CYRIB: variants seen among roughly 807,000 people sequenced by gnomAD.
CYRIB encodes the protein CYFIP-related Rac1 interactor B.
Under a neutral mutation model 44.2 loss-of-function variants are expected in CYRIB, and 8 were observed. The ratio of observed to expected loss-of-function variants is 0.18; its 90% CI spans 0.11 to 0.33. The LOEUF (loss-of-function observed/expected upper bound fraction) is 0.33. CYRIB is among the 10% of genes least tolerant of loss of function. The pLI, the probability that CYRIB is intolerant of heterozygous loss-of-function variation, is 1.00. For synonymous variants in CYRIB, 131 were observed against 127.2 expected, an observed-to-expected ratio of 1.03 and a Z score of -0.20; for missense variants, 185 against 382.8, an observed-to-expected ratio of 0.48 and a Z score of 4.31.
chr8:129,930,344 C>A (rs1219041204), intron 1 of CYRIB, among the ~76,000 whole-genome samples: 1 of 14,832 alleles, frequency 6.7e-5, no homozygotes, highest in Non-Finnish European at 1.9e-4. Context: ...CAGACCTCAA[C>A]TAGGAAGAAT....
chr8:129,848,192 C>T (rs966367398), intron 10 of CYRIB, among the ~76,000 whole-genome samples: 2 of 152,192 alleles, frequency 1.3e-5, no homozygotes, highest in Non-Finnish European at 2.9e-5. Context: ...TTTTCAGAGT[C>T]ACAAGGGAGA....
At chr8:129,971,147 T>C (rs1323321662) in intron 1 of CYRIB, among the ~76,000 whole-genome samples, 152 bp from the exon 2 acceptor site, 2 of 152,252 alleles carry the variant, frequency 1.3e-5, no homozygotes, top group African/African-American at 2.4e-5. Context: ...TTTGATTGTT[T>C]GTTTGTTTTT....
intron 1 of CYRIB, among the ~76,000 whole-genome samples, chr8:129,906,695 T>G (rs899773626): frequency 1.2e-4 from 19 of 152,090 alleles, no homozygotes; most frequent in Non-Finnish European, 2.2e-4. Context: ...ATTTTTGCAA[T>G]CTACTCATCT....
chr8:129,965,534 C>T (rs1215618412), intron 2 of CYRIB, among the ~76,000 whole-genome samples: 23 of 152,092 alleles, frequency 1.5e-4, no homozygotes, highest in Non-Finnish European at 7.3e-5. Flanking sequence ...CGGTGGCTCA[C>T]GCCTGTAATC....
chr8:129,847,596 C>T (rs2040833105), intron 10 of CYRIB, among the ~76,000 whole-genome samples: 1 of 152,182 alleles, frequency 6.6e-6, no homozygotes, highest in Admixed American at 6.5e-5. Flanking sequence ...CAGCACTGCA[C>T]CTGGAGTTAT....
intron 1 of CYRIB, among the ~76,000 whole-genome samples, chr8:129,999,216 T>C (rs2096852452): frequency 6.6e-6 from 1 of 152,094 alleles, no homozygotes; most frequent in African/African-American, 2.4e-5. Context: ...CACACTCCTC[T>C]GAGAGAGCAG....
intron 8 of CYRIB, 32 bp downstream of exon 10, chr8:129,852,127 TAAC>T: frequency 7.4e-7 from 1 of 1,347,074 alleles, no homozygotes; most frequent in Non-Finnish European, 1.0e-6. Context: ...GGGGCATAAA[TAAC>T]AACACAGAGT....
chr8:129,839,709 G>A (rs964286952), exon 12 of CYRIB: 1 of 152,082 alleles, frequency 6.6e-6, no homozygotes, highest in African/African-American at 2.4e-5. Context: ...ACCATTTTTA[G>A]CTCACAAGCT....
At chr8:129,920,797 A>C (rs1343774207) in intron 1 of CYRIB, among the ~76,000 whole-genome samples, 1 of 152,136 alleles carries the variant, frequency 6.6e-6, no homozygotes, top group Non-Finnish European at 1.5e-5. Context: ...TTTGATTTCC[A>C]CCAAATGTAG....
At chr8:129,988,194 G>C (rs989753443) in intron 1 of CYRIB, among the ~76,000 whole-genome samples, 5 of 152,148 alleles carry the variant, frequency 3.3e-5, no homozygotes, top group Non-Finnish European at 5.9e-5. Context: ...CGTGATACCC[G>C]GATGGCCTCT....
intron 1 of CYRIB, among the ~76,000 whole-genome samples, chr8:129,923,102 G>A (rs1175244608): frequency 2.0e-5 from 3 of 148,688 alleles, no homozygotes; most frequent in Non-Finnish European, 3.0e-5. Context: ...AATTAGCCAG[G>A]CATGGTGGCA....
At chr8:129,931,160 A>G (rs2091155997) in intron 1 of CYRIB, among the ~76,000 whole-genome samples, 1 of 145,740 alleles carries the variant, frequency 6.9e-6, no homozygotes, top group African/African-American at 2.8e-5. Flanking sequence ...AAAAAAAAAA[A>G]GAAAGAAAGA....
chr8:129,935,439 G>GAT (rs1187179183), intron 1 of CYRIB, among the ~76,000 whole-genome samples: 1 of 152,136 alleles, frequency 6.6e-6, no homozygotes, highest in East Asian at 1.9e-4. Flanking sequence ...ACAAAACCTG[G>GAT]ATGCCTCTAA....
At chr8:129,968,708 T>C (rs1354793866) in intron 2 of CYRIB, among the ~76,000 whole-genome samples, 2 of 152,234 alleles carry the variant, frequency 1.3e-5, no homozygotes, top group Non-Finnish European at 2.9e-5. Context: ...TAATAAAAAA[T>C]ACAGATTCCA....
At chr8:129,886,369 T>C (rs1336788840) in intron 2 of CYRIB, among the ~76,000 whole-genome samples, 1 of 152,190 alleles carries the variant, frequency 6.6e-6, no homozygotes, top group African/African-American at 2.4e-5. Flanking sequence ...TTCTGAACAA[T>C]ACATTATCTT....
intron 1 of CYRIB, among the ~76,000 whole-genome samples, chr8:130,008,054 C>G (rs539918542): frequency 6.6e-6 from 1 of 151,766 alleles, no homozygotes; most frequent in Non-Finnish European, 1.5e-5. Flanking sequence ...ACTAAAAGTA[C>G]AAAAATTAGC....
intron 1 of CYRIB, among the ~76,000 whole-genome samples, chr8:129,929,616 C>A (rs2090062939): frequency 6.6e-6 from 1 of 151,878 alleles, no homozygotes; most frequent in South Asian, 2.1e-4. Context: ...GATGCCAAAG[C>A]CAAAAACCAG....
chr8:129,943,734 G>T (rs1371138015), upstream of CYRIB, among the ~76,000 whole-genome samples: 15 of 149,600 alleles, frequency 1.0e-4, no homozygotes, highest in African/African-American at 3.7e-4. Context: ...GAGCAGCTGG[G>T]ACTACAGGCG....
Position 129,924,304 on chromosome 8 carries a change from GGT to G in CYRIB, c.-50+15302_-50+15303del, listed in dbSNP as rs1437750416. ...AAAAAAAAAAACCGGGGGGGGGGGG[GGT>G]GGCGGGGGGGGTGTTACTTACCTCA... On this transcript the variant is annotated intron_variant, in intron 1 of 11. Coordinates refer to ENST00000519824, the Ensembl canonical transcript of CYRIB. Among the ~76,000 whole-genome samples the G allele has an allele frequency of 1.3e-3, 103 of 79,052 alleles. 1 individual carries two copies. Among genetic ancestry groups the G allele is most frequent in the African/African-American group, 4.5e-3 (98 of 21,612 alleles). The allele number at this position is 79,052 out of a possible 152,430, so 51.9% of individuals were successfully genotyped here.
Sources: gnomAD v4.1 joint callset for allele counts (sites outside exome capture counted in the v4.1 genomes callset) on GRCh38, gnomAD v4.1.1 for gene constraint, MANE v1.5 for transcripts, NCBI Gene and HGNC (gene_info 2026-07-23, HGNC 2026-07-21) for gene names.